SYN3: variants seen among roughly 807,000 people sequenced by gnomAD.
SYN3 encodes synapsin-3.
SYN3 carries 35 observed loss-of-function variants against 65.8 expected under a neutral mutation model. That is an observed-to-expected ratio of 0.53 (90% CI 0.41 to 0.70). The LOEUF (loss-of-function observed/expected upper bound fraction) is 0.70, where lower values mean the gene tolerates loss of function less well. SYN3 is among the 30% of genes least tolerant of loss of function. The pLI, the probability that SYN3 is intolerant of heterozygous loss-of-function variation, is 0.00. For synonymous variants in SYN3, 270 were observed against 292.9 expected (o/e 0.92, Z 0.80); for missense variants, 680 against 749.0 (o/e 0.91, Z 1.08).
At chr22:32,730,205 A>T (rs549733811) in intron 6 of SYN3, among the ~76,000 whole-genome samples, 12 of 152,336 alleles carry the variant, frequency 7.9e-5, no homozygotes, top group African/African-American at 2.2e-4. Flanking sequence ...CCATTTACTA[A>T]ATGCACACCT....
intron 2 of SYN3, among the ~76,000 whole-genome samples, chr22:33,001,053 A>G (rs1210776225): frequency 6.6e-6 from 1 of 152,186 alleles, no homozygotes; most frequent in African/African-American, 2.4e-5. Flanking sequence ...GAGAAGCTGT[A>G]TGTTGGTGGT....
chr22:32,704,023 C>T (rs997520523), intron 6 of SYN3, among the ~76,000 whole-genome samples: 5 of 151,960 alleles, frequency 3.3e-5, no homozygotes. Context: ...TAGAACTTAT[C>T]CTTGAAACTG....
At position 32,786,107 on chromosome 22, in the gene SYN3, C is replaced by T. The variant is rs189878848; in HGVS notation, c.711+78808G>A. 3.3e-5 allele frequency among the ~76,000 whole-genome samples: 5 copies of T among 152,314 alleles called. No homozygotes were observed. The East Asian group carries it at 9.7e-4, about 29-fold the overall frequency. On this transcript the variant is annotated intron_variant, in intron 6 of 13. Transcript: ENST00000358763. ...CCCAAGCAGTGCTTGGCCCTTAGGG[C>T]TCCCATTTAATTGGGATATCTCATT...
chr22:32,898,840 C>T (rs574425209), intron 4 of SYN3, among the ~76,000 whole-genome samples: 150 of 152,236 alleles, frequency 9.9e-4, no homozygotes, highest in African/African-American at 3.6e-3. Context: ...CGGTGGCTCA[C>T]GCCTGTAATC....
At chr22:32,713,412 A>G (rs2147257436) in intron 6 of SYN3, among the ~76,000 whole-genome samples, 1 of 152,296 alleles carries the variant, frequency 6.6e-6, no homozygotes, top group East Asian at 1.9e-4. Flanking sequence ...TTTGCTTCTC[A>G]TGCAAGCCTT....
In SYN3 at chr22:32,819,653, C is replaced by T. The variant is rs569248573; in HGVS notation, c.711+45262G>A. On this transcript the variant is annotated intron_variant, in intron 6 of 13. Transcript: ENST00000358763. ...CTCTTGGCATAGATCTGCCCTTCCC[C>T]CTCCACAGTCTGGACAATCAAGGAC... Among the ~76,000 whole-genome samples, 9 of 152,278 alleles carry T rather than the reference C, an allele frequency of 5.9e-5. No homozygotes were observed. In the East Asian group the frequency reaches 1.5e-3, roughly 26 times the overall value.
At chr22:32,673,637 A>G (rs2060402179) in intron 6 of SYN3, among the ~76,000 whole-genome samples, 1 of 152,222 alleles carries the variant, frequency 6.6e-6, no homozygotes, top group Non-Finnish European at 1.5e-5. Context: ...TTTCTCGAAG[A>G]AGCAACATTT....
chr22:33,035,346 C>A (rs1431921224), intron 1 of SYN3, among the ~76,000 whole-genome samples: 4 of 111,898 alleles, frequency 3.6e-5, no homozygotes, highest in African/African-American at 5.2e-5. Context: ...CCCCCCCCCG[C>A]CACCAAACTT....
intron 10 of SYN3, 44 bp from the exon 11 acceptor site, chr22:32,529,052 A>C: frequency 6.2e-7 from 1 of 1,611,700 alleles, no homozygotes; most frequent in South Asian, 1.1e-5. Context: ...ATGCCAGGAG[A>C]GATGGCGGTT....
In SYN3 at chr22:32,992,461, G is replaced by A. The variant is rs978922202; in HGVS notation, c.312-11759C>T. 7.2e-5 allele frequency among the ~76,000 whole-genome samples: 11 copies of A among 152,272 alleles called. 2 individuals carry two copies. In the South Asian group the frequency reaches 1.7e-3, roughly 23 times the overall value. On this transcript the variant is annotated intron_variant, in intron 2 of 13. Coordinates refer to ENST00000358763, the MANE Select transcript of SYN3 (RefSeq NM_003490.4). ...GGTTCCAGTTCTACCAGGTGGGAGC[G>A]TCATGAAACAAGTCCTCTAGCTTGG...
At chr22:32,771,767 C>T (rs1602108669) in intron 6 of SYN3, among the ~76,000 whole-genome samples, 2 of 152,278 alleles carry the variant, frequency 1.3e-5, no homozygotes, top group East Asian at 1.9e-4. Flanking sequence ...GGAGATTACC[C>T]GTGAGTCTCT....
At chr22:32,592,868 C>T (rs574618706) in intron 7 of SYN3, among the ~76,000 whole-genome samples, 2 of 152,314 alleles carry the variant, frequency 1.3e-5, no homozygotes, top group African/African-American at 4.8e-5. Context: ...TTTTCCAATT[C>T]TCAGCATAGA....
chr22:32,598,459 T>C (rs1331140602), intron 6 of SYN3, among the ~76,000 whole-genome samples: 1 of 152,204 alleles, frequency 6.6e-6, no homozygotes, highest in South Asian at 2.1e-4. Flanking sequence ...CCTTTTAGTC[T>C]AGCACAAGAG....
chr22:32,529,849 T>A (rs2058041520), intron 10 of SYN3, among the ~76,000 whole-genome samples: 1 of 152,166 alleles, frequency 6.6e-6, no homozygotes, highest in Non-Finnish European at 1.5e-5. Context: ...CACCGTCTTG[T>A]CTCCCCTGTT....
At chr22:32,564,625 A>G (rs530460612) in intron 7 of SYN3, among the ~76,000 whole-genome samples, 2 of 151,264 alleles carry the variant, frequency 1.3e-5, no homozygotes, top group Non-Finnish European at 2.9e-5. Context: ...GTACTCCCAG[A>G]ATGCACCCAA....
At chr22:32,787,609 A>G (rs75072443) in intron 6 of SYN3, among the ~76,000 whole-genome samples, 1,615 of 152,334 alleles carry the variant, frequency 0.011, 38 homozygotes, top group African/African-American at 0.037. Context: ...GGGACAGAGC[A>G]GTGAATAAGA....
chr22:32,547,225 T>C (rs1248886083), intron 7 of SYN3, among the ~76,000 whole-genome samples: 2 of 152,118 alleles, frequency 1.3e-5, no homozygotes, highest in Non-Finnish European at 1.5e-5. Flanking sequence ...GTTCAGGCGA[T>C]CCTCCCACCT....
chr22:33,054,876 A>G (rs144667306), intron 1 of SYN3, among the ~76,000 whole-genome samples: 1 of 152,302 alleles, frequency 6.6e-6, no homozygotes, highest in African/African-American at 2.4e-5. Flanking sequence ...GCTGGCCACC[A>G]TCCTTCATCC....
At chr22:32,710,953 T>C (rs959755533) in intron 6 of SYN3, among the ~76,000 whole-genome samples, 8 of 152,322 alleles carry the variant, frequency 5.3e-5, no homozygotes, top group Non-Finnish European at 7.4e-5. Context: ...CATCAGCAGA[T>C]GAACATCGCC....
Sources: allele counts gnomAD v4.1 joint callset (sites outside exome capture counted in the v4.1 genomes callset), GRCh38; gene constraint gnomAD v4.1.1; transcripts MANE v1.5; gene names NCBI Gene and HGNC (gene_info 2026-07-23, HGNC 2026-07-21).